NFASC: variants seen among roughly 807,000 people sequenced by gnomAD.
NFASC encodes neurofascin, also known as neurofascin homolog.
Under a neutral mutation model 147.5 loss-of-function variants are expected in NFASC, and 43 were observed. The observed-to-expected ratio is 0.29, with a 90% CI of 0.23 to 0.38. The LOEUF is 0.38. Among genes scored for constraint, NFASC ranks in the 10% least tolerant of loss-of-function variants. The probability of loss-of-function intolerance (pLI) is 1.00; values close to 1 mark genes in which losing one functional copy is unlikely to be tolerated. For synonymous variants in NFASC, 622 were observed against 665.5 expected (o/e 0.93, Z 1.01); for missense variants, 1,320 against 1,689.0 (o/e 0.78, Z 3.83).
rs10633193 is a variant in NFASC at position 204,934,137 on chromosome 1, CA to C, written c.-90-10072del. 9.0e-3 allele frequency among the ~76,000 whole-genome samples: 1,024 copies of C among 113,490 alleles called. 9 individuals carry two copies. The highest frequency in any genetic ancestry group is 0.032 in the African/African-American group (928 of 29,200). The allele number at this position is 113,490 out of a possible 152,430, so 74.5% of individuals were successfully genotyped here. ...CGGGCGACAGAGTGAGACTCCATTT[CA>C]AAAAAAAAAAAAAAAACAGATGAGA... On this transcript the variant is annotated intron_variant, in intron 2 of 29. Transcript: ENST00000339876.
intron 1 of NFASC, among the ~76,000 whole-genome samples, chr1:204,843,393 G>A (rs1041989329): frequency 6.6e-6 from 1 of 152,084 alleles, no homozygotes; most frequent in South Asian, 2.1e-4. Flanking sequence ...CAAAATCGTA[G>A]TACACTCTCG....
At chr1:204,862,493 C>T (rs150011483) in intron 1 of NFASC, among the ~76,000 whole-genome samples, 199 of 152,214 alleles carry the variant, frequency 1.3e-3, no homozygotes, top group African/African-American at 4.5e-3. Flanking sequence ...AATAAAAAGT[C>T]GATGTGAATG....
chr1:204,889,048 C>T (rs1265331549), intron 1 of NFASC, among the ~76,000 whole-genome samples: 1 of 152,160 alleles, frequency 6.6e-6, no homozygotes, highest in Non-Finnish European at 1.5e-5. Flanking sequence ...CAGGAGTCAG[C>T]CGTGTTTCAG....
intron 24 of NFASC, among the ~76,000 whole-genome samples, chr1:204,991,910 G>A (rs2095745483): frequency 6.6e-6 from 1 of 152,330 alleles, no homozygotes; most frequent in South Asian, 2.1e-4. Flanking sequence ...GGCACCGTGG[G>A]CTGATTATCT....
intron 1 of NFASC, among the ~76,000 whole-genome samples, chr1:204,846,941 G>A (rs1377898238): frequency 6.7e-6 from 1 of 149,888 alleles, no homozygotes; most frequent in Non-Finnish European, 1.5e-5. Context: ...TGCTGCCTGT[G>A]TGTGTGTACG....
At chr1:204,932,326 A>G (rs908542610) in intron 2 of NFASC, among the ~76,000 whole-genome samples, 1 of 152,094 alleles carries the variant, frequency 6.6e-6, no homozygotes, top group African/African-American at 2.4e-5. Context: ...CATTTTTGAG[A>G]TTTTTTAAAG....
At chr1:204,831,245 A>G (rs1672153713) in intron 1 of NFASC, among the ~76,000 whole-genome samples, 2 of 151,910 alleles carry the variant, frequency 1.3e-5, no homozygotes, top group South Asian at 2.1e-4. Flanking sequence ...CATCAGAAAG[A>G]GTACGGAGAA....
Position 204,997,161 on chromosome 1 carries a change from C to A in NFASC, c.2783-9C>A. ...AACCAGACTCGGCTGTTTTACATTT[C>A]CCTCTCAGCTCCTCCCACATTGCCC... is the stretch of plus-strand genomic sequence containing the variant. On this transcript the variant is annotated splice_polypyrimidine_tract_variant and intron_variant, in intron 24 of 29. Transcript: ENST00000339876. The A allele has an allele frequency of 6.2e-7, 1 of 1,603,980 alleles. No homozygotes were observed. Among genetic ancestry groups the A allele is most frequent in the Non-Finnish European group, 8.5e-7 (1 of 1,172,630 alleles).
Position 205,017,991 on chromosome 1 carries a change from G to A in NFASC, c.*1452G>A, listed in dbSNP as rs7525859. 10,269 of 152,880 alleles carry A rather than the reference G, an allele frequency of 0.067. 1,062 individuals are homozygous for A. The highest frequency in any genetic ancestry group is 0.22 in the African/African-American group (9,277 of 41,522). 9.5% of individuals were successfully genotyped at this position (152,880 alleles called of 1,614,324 possible). A position where few individuals can be genotyped will look rare whatever the true frequency, so the allele number is the denominator to read the frequency against. ...GCAGGGCAGCCTATGCAAGTGTTCC[G>A]GCAGGACCAGAAGTGGCCACTCAAC... On this transcript the variant is annotated 3_prime_UTR_variant, in exon 30 of 30. Coordinates refer to ENST00000339876, the MANE Select transcript of NFASC (RefSeq NM_001005388.3).
In NFASC at chr1:204,968,607, G is replaced by T. The variant is rs76754768; in HGVS notation, c.819-191G>T. The T allele has an allele frequency of 3.5e-5, 22 of 625,376 alleles. No homozygotes were observed. The South Asian group carries it at 4.4e-4, about 13-fold the overall frequency. 38.7% of individuals were successfully genotyped at this position (625,376 alleles called of 1,614,324 possible). On this transcript the variant is annotated intron_variant, in intron 9 of 29. Coordinates refer to ENST00000339876, the MANE Select transcript of NFASC (RefSeq NM_001005388.3). This position sits in a 1 kb window ranked among gnomAD's most constrained non-coding sequence, Gnocchi z 5.4. ...CCGTAGATGCGTTAGAATCTCGTGG[G>T]ACCTTAGCTAAGCCTTCAGGCTCTC...
At chr1:204,920,427 C>CTTTTTTTTTTTTTTTTTTTT (rs11381518) in intron 1 of NFASC, among the ~76,000 whole-genome samples, 5 of 119,602 alleles carry the variant, frequency 4.2e-5, no homozygotes, top group Non-Finnish European at 6.8e-5. Context: ...AGGATCTGTC[C>CTTTTTTTTTTTTTTTTTTTT]TTTTTTTTTT....
rs2095342627 is a variant in NFASC, at chr1:204,974,198, G to C, written c.1299G>C (p.Leu433=). 1.2e-6 allele frequency: 2 copies of C among 1,613,860 alleles called. No homozygotes were observed. The highest frequency in any genetic ancestry group is 1.1e-5 in the South Asian group (1 of 91,018). The change falls in exon 13 of 30, where the codon CTG becomes CTC. Residue 433 remains leucine (L), a synonymous_variant. Coordinates refer to ENST00000339876, the MANE Select transcript of NFASC (RefSeq NM_001005388.3). ...VSVLDVPPRM[L]SPRNQLIRVI... is the part of the protein sequence containing the mutation. ...TTTCAGATGTGCCGCCTCGGATGCT[G>C]TCGCCCCGGAACCAGCTCATTCGAG... is the stretch of plus-strand genomic sequence containing the variant.
At chr1:204,967,158 T>C (rs903544338) in intron 8 of NFASC, among the ~76,000 whole-genome samples, 1 of 152,176 alleles carries the variant, frequency 6.6e-6, no homozygotes, top group Non-Finnish European at 1.5e-5. Flanking sequence ...TAAGACCCCA[T>C]TAAACCCATG....
chr1:204,858,149 A>G (rs1572105148), intron 1 of NFASC, among the ~76,000 whole-genome samples: 1 of 151,278 alleles, frequency 6.6e-6, no homozygotes, highest in African/African-American at 2.4e-5. Context: ...TGAACTCCTA[A>G]CCTCAGGTGA....
At position 205,018,023 on chromosome 1, in the gene NFASC, C is replaced by G. The variant is rs1178273474; in HGVS notation, c.*1484C>G. On this transcript the variant is annotated 3_prime_UTR_variant, in exon 30 of 30. Coordinates refer to ENST00000339876, the MANE Select transcript of NFASC (RefSeq NM_001005388.3). ...CCAGAAGTGGCCACTCAACACACGT[C>G]CTCACCAGTCACCCCAAATGGAGAC... 1 of 152,870 alleles carries G rather than the reference C, an allele frequency of 6.5e-6. No homozygotes were observed. The highest frequency in any genetic ancestry group is 1.5e-5 in the Non-Finnish European group (1 of 68,134). The allele number at this position is 152,870 out of a possible 1,614,324, so 9.5% of individuals were successfully genotyped here. A position where few individuals can be genotyped will look rare whatever the true frequency, so the allele number is the denominator to read the frequency against.
chr1:204,890,550 G>A (rs1354642786), intron 1 of NFASC, among the ~76,000 whole-genome samples: 1 of 151,370 alleles, frequency 6.6e-6, no homozygotes, highest in Non-Finnish European at 1.5e-5. Flanking sequence ...GGTGTCTTTG[G>A]AAAGCAGGGA....
intron 3 of NFASC, among the ~76,000 whole-genome samples, chr1:204,948,020 T>A (rs2093887739): frequency 6.6e-6 from 1 of 152,036 alleles, no homozygotes; most frequent in South Asian, 2.1e-4. Flanking sequence ...TTATGCACAC[T>A]CACTCCCACT....
intron 1 of NFASC, among the ~76,000 whole-genome samples, chr1:204,874,773 G>A (rs767317679): frequency 6.6e-5 from 10 of 152,190 alleles, no homozygotes; most frequent in Non-Finnish European, 5.9e-5. Flanking sequence ...GGAGGGCCCG[G>A]TGATAGAGTC....
chr1:204,902,018 C>T (rs2759280), intron 1 of NFASC, among the ~76,000 whole-genome samples: 86,114 of 151,746 alleles, frequency 0.57, 24,907 homozygotes, highest in African/African-American at 0.62. Flanking sequence ...CCCAGTTTCT[C>T]TAAAAAAAAA....
Sources: allele counts gnomAD v4.1 joint callset (sites outside exome capture counted in the v4.1 genomes callset), GRCh38; gene constraint gnomAD v4.1.1; non-coding constraint Gnocchi (gnomAD v3.1); transcripts MANE v1.5; gene names NCBI Gene and HGNC (gene_info 2026-07-23, HGNC 2026-07-21).